The following PRSS22 variants were observed in gnomAD, a reference collection of about 807,000 sequenced individuals.
PRSS22 encodes brain-specific serine protease 4.
A neutral mutation model predicts 28.0 loss-of-function variants in PRSS22; 26 were observed. The observed-to-expected ratio is 0.93, with a 90% CI of 0.68 to 1.29. The LOEUF is 1.29. Among genes scored for constraint, PRSS22 ranks in the 50% most tolerant of loss-of-function variants. The pLI, the probability that PRSS22 is intolerant of heterozygous loss-of-function variation, is 0.00. For synonymous variants in PRSS22, 217 were observed against 177.9 expected, an observed-to-expected ratio of 1.22 and a Z score of -1.75; for missense variants, 444 against 422.1, an observed-to-expected ratio of 1.05 and a Z score of -0.46.
rs1434480220 is a variant in PRSS22 at position 2,853,374 on chromosome 16, T to A, written c.718-45A>T. 2.0e-6 allele frequency: 3 copies of A among 1,514,470 alleles called. No individual in the cohort carries two copies. The highest frequency in any genetic ancestry group is 1.7e-4 in the Middle Eastern group (1 of 5,778). 93.8% of individuals were successfully genotyped at this position (1,514,470 alleles called of 1,614,324 possible). A position where few individuals can be genotyped will look rare whatever the true frequency, so the allele number is the denominator to read the frequency against. ...TTAGGAACCCCCGTGGCACAGGGGG[T>A]GGCAGAATCCAGGGCCCGTGCCCTG... On this transcript the variant is annotated intron_variant, in intron 5 of 5. Transcript: ENST00000161006. The surrounding 1 kb of genome is among the most constrained non-coding windows in gnomAD (Gnocchi z 4.6).
At chr16:2,854,935 A>C (rs1393035325) in intron 4 of PRSS22, among the ~76,000 whole-genome samples, 1 of 152,016 alleles carries the variant, frequency 6.6e-6, no homozygotes, top group Non-Finnish European at 1.5e-5. Context: ...AGGCCTCTTT[A>C]TATTCACCCT....
At chr16:2,854,353 A>C in intron 4 of PRSS22, 1 of 239,038 alleles carries the variant, frequency 4.2e-6, no homozygotes, top group Non-Finnish European at 8.3e-6. Flanking sequence ...TGTTCAATAA[A>C]TGTCCACTCG....
chr16:2,855,780 G>C lies in PRSS22; in HGVS notation c.353C>G (p.Ser118Cys), dbSNP rs148094437. Residue 118 changes from serine (S) to cysteine (C), a missense_variant, in exon 4 of 6, where the codon TCC becomes TGC. Transcript: ENST00000161006. The part of the protein sequence containing the change: ...AWQLGNPGSR[S>C]QKVGVAWVEP... ...CACCCAGGCAACACCCACCTTCTGG[G>C]ACCGAGAGCCAGGGTTCCCCAGCTG... 2.5e-6 allele frequency: 4 copies of C among 1,613,938 alleles called. No homozygotes were observed. Among genetic ancestry groups the C allele is most frequent in the African/African-American group, 2.7e-5 (2 of 74,910 alleles).
Position 2,852,956 on chromosome 16 carries a change from G to T in PRSS22, c.*137C>A. On this transcript the variant is annotated 3_prime_UTR_variant, in exon 6 of 6. Coordinates refer to ENST00000161006, the MANE Select transcript of PRSS22 (RefSeq NM_022119.4). ...TCGGGGAGGGGGTTTCCTTTCCGCA[G>T]CAGCCGTCCGGGCCCCCAGAGGTAG... is the stretch of plus-strand genomic sequence containing the variant. 1.6e-6 allele frequency: 1 copy of T among 627,330 alleles called. No homozygotes were observed. Among genetic ancestry groups the T allele is most frequent in the Non-Finnish European group, 2.5e-6 (1 of 392,354 alleles). The allele number at this position is 627,330 out of a possible 1,614,324, so 38.9% of individuals were successfully genotyped here.
Position 2,853,371 on chromosome 16 carries a change from G to T in PRSS22, c.718-42C>A. 3 of 1,526,628 alleles carry T rather than the reference G, an allele frequency of 2.0e-6. No homozygotes were observed. The highest frequency in any genetic ancestry group is 2.7e-6 in the Non-Finnish European group (3 of 1,127,290). 94.6% of individuals were successfully genotyped at this position (1,526,628 alleles called of 1,614,324 possible). On this transcript the variant is annotated intron_variant, in intron 5 of 5. Coordinates refer to ENST00000161006, the MANE Select transcript of PRSS22 (RefSeq NM_022119.4). The surrounding 1 kb of genome is among the most constrained non-coding windows in gnomAD (Gnocchi z 4.6). ...AGGTTAGGAACCCCCGTGGCACAGG[G>T]GGTGGCAGAATCCAGGGCCCGTGCC...
At chr16:2,855,915 A>G (rs531048708) in intron 3 of PRSS22, 64 bp from the exon 4 acceptor site, 2 of 1,561,264 alleles carry the variant, frequency 1.3e-6, no homozygotes, top group African/African-American at 2.7e-5. Context: ...CTGGGGGAAC[A>G]GCATGGGTGT....
At position 2,856,188 on chromosome 16, in the gene PRSS22, T is replaced by C. The variant is rs1017376493; in HGVS notation, c.175A>G (p.Ser59Gly). 12 of 1,613,738 alleles carry C rather than the reference T, an allele frequency of 7.4e-6. No homozygotes were observed. In the East Asian group the frequency reaches 1.6e-4, roughly 21 times the overall value. Residue 59 changes from serine (S) to glycine (G), a missense_variant, in exon 3 of 6, where the codon AGC becomes GGC. By Grantham distance (56) the Ser-to-Gly change is moderately conservative (BLOSUM62 0). Transcript: ENST00000161006. Reference sequence around the variant, plus strand: ...ATGCTCACGATCCAGGGCCACTCGCTGTCAGTGCTGTCCTCGCCGCCCACA... The same window carrying C: ...ATGCTCACGATCCAGGGCCACTCGCCGTCAGTGCTGTCCTCGCCGCCCACA... ...RVVGGEDSTD[S>G]EWPWIVSIQK... is the part of the protein sequence containing the mutation.
chr16:2,853,629 T>C lies in PRSS22; in HGVS notation c.717+236A>G, dbSNP rs927051365. Among the ~76,000 whole-genome samples the C allele has an allele frequency of 6.6e-6, 1 of 152,068 alleles. No homozygotes were observed. Among genetic ancestry groups the C allele is most frequent in the African/African-American group, 2.4e-5 (1 of 41,422 alleles). ...GGCGTGGGAAGCCCCCTGAAGGAAA[T>C]GAAAGCTCGCGGAGGGCGAGGTGGT... On this transcript the variant is annotated intron_variant, in intron 5 of 5. Coordinates refer to ENST00000161006, the MANE Select transcript of PRSS22 (RefSeq NM_022119.4). The surrounding 1 kb of genome is among the most constrained non-coding windows in gnomAD (Gnocchi z 4.6).
rs34435641 is a variant in PRSS22 at position 2,853,230 on chromosome 16, C to CG, written c.816dup (p.Gly273ArgfsTer78). ...TGCGCAGAGAGGCTGATGTAGACCC[C>CG]GGGCCTGTTGCGCTCGGCACAGCCC... On this transcript the variant is annotated frameshift_variant, in exon 6 of 6. Coordinates refer to ENST00000161006, the MANE Select transcript of PRSS22 (RefSeq NM_022119.4). LOFTEE classifies it low-confidence loss of function (END_TRUNC). This position sits in a 1 kb window ranked among gnomAD's most constrained non-coding sequence, Gnocchi z 4.6. The CG allele has an allele frequency of 6.2e-7, 1 of 1,600,770 alleles. No homozygotes were observed. Among genetic ancestry groups the CG allele is most frequent in the African/African-American group, 1.3e-5 (1 of 74,892 alleles).
chr16:2,855,869 G>C lies in PRSS22; in HGVS notation c.282-18C>G. ...TCAGGTTGCTGGAAGGAAAGGGAAG[G>C]GGAGGATCAGCCAGGCCTGGTCTGG... On this transcript the variant is annotated intron_variant, in intron 3 of 5. Coordinates refer to ENST00000161006, the MANE Select transcript of PRSS22 (RefSeq NM_022119.4). The C allele has an allele frequency of 6.2e-7, 1 of 1,605,808 alleles. No homozygotes were observed. Among genetic ancestry groups the C allele is most frequent in the Non-Finnish European group, 8.5e-7 (1 of 1,177,558 alleles).
rs113425490 is a variant in PRSS22 at position 2,856,367 on chromosome 16, C to T, written c.110-114G>A. 2.8e-4 allele frequency: 300 copies of T among 1,075,808 alleles called. 6 individuals carry two copies. In the African/African-American group the frequency reaches 3.6e-3, roughly 13 times the overall value. The allele number at this position is 1,075,808 out of a possible 1,614,324, so 66.6% of individuals were successfully genotyped here. ...CCCACAGCCCAAGCTCCGTTCATGT[C>T]CCCAAGCTCTACCCACATCCCAAGT... is the stretch of plus-strand genomic sequence containing the variant. On this transcript the variant is annotated intron_variant, in intron 2 of 5. Coordinates refer to ENST00000161006, the MANE Select transcript of PRSS22 (RefSeq NM_022119.4).
chr16:2,853,159 C>A lies in PRSS22; in HGVS notation c.888G>T (p.Gly296=). 1.3e-6 allele frequency: 2 copies of A among 1,598,760 alleles called. No homozygotes were observed. The highest frequency in any genetic ancestry group is 1.7e-6 in the Non-Finnish European group (2 of 1,179,558). Residue 296 remains glycine, a synonymous_variant, in exon 6 of 6, where the codon GGG becomes GGT. Coordinates refer to ENST00000161006, the MANE Select transcript of PRSS22 (RefSeq NM_022119.4). The surrounding 1 kb of genome is among the most constrained non-coding windows in gnomAD (Gnocchi z 4.6). ...TGAGGGCCCCACCCCCCTGAGCGCG[C>A]CCGCGGAGCTGCACCCCTTGCACGA... ...EKIVQGVQLR[G]RAQGGGALRA...
Position 2,855,723 on chromosome 16 carries a change from C to A in PRSS22, c.410G>T (p.Gly137Val). The stretch of plus-strand genomic sequence containing the variant: ...CACCAGGGCAATGTCTGCACAGGCA[C>A]CTTCCTTCCAGGAATACACAGGGTG... ...EPHPVYSWKE[G>V]ACADIALVRL... The change falls in exon 4 of 6, where the codon GGT becomes GTT. Residue 137 changes from glycine (G) to valine (V), a missense_variant. By Grantham distance (109) the Gly-to-Val change is moderately radical. Coordinates refer to ENST00000161006, the MANE Select transcript of PRSS22 (RefSeq NM_022119.4). The A allele has an allele frequency of 6.2e-7, 1 of 1,614,226 alleles. No homozygotes were observed. The highest frequency in any genetic ancestry group is 1.1e-5 in the South Asian group (1 of 91,088).
chr16:2,853,155 C>G lies in PRSS22; in HGVS notation c.892G>C (p.Ala298Pro). 6.3e-7 allele frequency: 1 copy of G among 1,598,526 alleles called. No individual in the cohort carries two copies. Among genetic ancestry groups the G allele is most frequent in the South Asian group, 1.1e-5 (1 of 91,024 alleles). The change falls in exon 6 of 6, where the codon GCT (alanine) becomes CCT (proline). Residue 298 changes from alanine (A) to proline (P), a missense_variant. By Grantham distance (27) the Ala-to-Pro change is conservative. Coordinates refer to ENST00000161006, the MANE Select transcript of PRSS22 (RefSeq NM_022119.4). This position sits in a 1 kb window ranked among gnomAD's most constrained non-coding sequence, Gnocchi z 4.6. ...GCCCTGAGGGCCCCACCCCCCTGAG[C>G]GCGCCCGCGGAGCTGCACCCCTTGC... ...IVQGVQLRGR[A>P]QGGGALRAPS...
At position 2,858,019 on chromosome 16, in the gene PRSS22, G is replaced by C; in HGVS notation, c.82+4C>G. On this transcript the variant is annotated splice_donor_region_variant and intron_variant, in intron 1 of 5. Transcript: ENST00000161006. ...GAGGAGGGAGGAGCAGCCTCCGGACGTACCTGTCGACGCCAGCAGCAGCAG... is the reference window on the plus strand; with the variant it reads ...GAGGAGGGAGGAGCAGCCTCCGGACCTACCTGTCGACGCCAGCAGCAGCAG... 7.8e-7 allele frequency: 1 copy of C among 1,278,796 alleles called. No homozygotes were observed. The highest frequency in any genetic ancestry group is 1.0e-6 in the Non-Finnish European group (1 of 1,003,970). 79.2% of individuals were successfully genotyped at this position (1,278,796 alleles called of 1,614,324 possible).
In PRSS22 at chr16:2,853,437, C is replaced by T; in HGVS notation, c.718-108G>A. 1 of 914,910 alleles carries T rather than the reference C, an allele frequency of 1.1e-6. No homozygotes were observed. The highest frequency in any genetic ancestry group is 1.6e-6 in the Non-Finnish European group (1 of 614,512). The allele number at this position is 914,910 out of a possible 1,614,324, so 56.7% of individuals were successfully genotyped here. On this transcript the variant is annotated intron_variant, in intron 5 of 5. Transcript: ENST00000161006. The surrounding 1 kb of genome is among the most constrained non-coding windows in gnomAD (Gnocchi z 4.6). ...TGAGCCCCTTCCCGGGAGCCCGTTTCTCCTTCCTGGAGGAGACAGGACCTG... is the reference window on the plus strand; with the variant it reads ...TGAGCCCCTTCCCGGGAGCCCGTTTTTCCTTCCTGGAGGAGACAGGACCTG...
intron 1 of PRSS22, 54 bp from the exon 2 acceptor site, chr16:2,856,902 G>C: frequency 6.5e-7 from 1 of 1,546,160 alleles, no homozygotes; most frequent in South Asian, 1.2e-5. Context: ...AGGACACAGT[G>C]GTGAGGGGCC....
At chr16:2,857,970 G>A (rs1199175057) in intron 1 of PRSS22, 53 bp downstream of exon 1, 3 of 1,226,776 alleles carry the variant, frequency 2.4e-6, no homozygotes, top group Non-Finnish European at 2.1e-6. Context: ...GAGGGAAGGA[G>A]GGAAGGAGGG....
chr16:2,853,145 C>G lies in PRSS22; in HGVS notation c.902G>C (p.Gly301Ala), dbSNP rs770631804. 1 of 1,597,466 alleles carries G rather than the reference C, an allele frequency of 6.3e-7. No homozygotes were observed. The highest frequency in any genetic ancestry group is 1.7e-5 in the Admixed American group (1 of 59,900). The change falls in exon 6 of 6, where the codon GGT becomes GCT. Residue 301 changes from glycine (G) to alanine (A), a missense_variant. Physicochemically the swap from Gly to Ala is moderately conservative, Grantham distance 60. Coordinates refer to ENST00000161006, the MANE Select transcript of PRSS22 (RefSeq NM_022119.4). The surrounding 1 kb of genome is among the most constrained non-coding windows in gnomAD (Gnocchi z 4.6). ...CTGGCTCGGTGCCCTGAGGGCCCCA[C>G]CCCCCTGAGCGCGCCCGCGGAGCTG... ...GVQLRGRAQG[G>A]GALRAPSQGS...
Sources: gnomAD v4.1 joint callset for allele counts (sites outside exome capture counted in the v4.1 genomes callset) on GRCh38, gnomAD v4.1.1 for gene constraint, Gnocchi (gnomAD v3.1) non-coding constraint, MANE v1.5 for transcripts, NCBI Gene and HGNC (gene_info 2026-07-23, HGNC 2026-07-21) for gene names.